The following RPS6KA3 variants were observed in gnomAD, a reference collection of about 807,000 sequenced individuals.
RPS6KA3 encodes the protein ribosomal protein S6 kinase alpha-3.
Under a neutral mutation model 67.2 loss-of-function variants are expected in RPS6KA3, and 4 were observed. The ratio of observed to expected loss-of-function variants is 0.06; its 90% CI spans 0.03 to 0.14. RPS6KA3 has a LOEUF of 0.14. Ranked by LOEUF, RPS6KA3 falls within the 10% of genes least tolerant of loss-of-function variation. The pLI is 1.00. For missense variants in RPS6KA3, 204 were observed against 559.0 expected, an observed-to-expected ratio of 0.36 and a Z score of 6.40; for synonymous variants, 182 against 183.7, an observed-to-expected ratio of 0.99 and a Z score of 0.07.
Position 20,167,845 on chromosome X carries a change from T to C in RPS6KA3, c.1444-98A>G, listed in dbSNP as rs1024973691. On this transcript the variant is annotated intron_variant, in intron 16 of 21. Transcript: ENST00000379565. ...AGGAAAAATTAAACTCACTTCATAT[T>C]CAAGACAAATTTTATTTATTTATTT... 1.1e-5 allele frequency: 6 copies of C among 566,944 alleles called. No individual in the cohort carries two copies. In the South Asian group the frequency reaches 1.6e-4, roughly 15 times the overall value. 46.7% of individuals were successfully genotyped at this position (566,944 alleles called of 1,213,427 possible).
At position 20,262,186 on chromosome X, in the gene RPS6KA3, C is replaced by A. The variant is rs969565104; in HGVS notation, c.69+4378G>T. Reference sequence around the variant, plus strand: ...ACCTTACCCATCATTCACAGCCTGGCAGATCACATGTCCCTGAGCATTGAA... The same window carrying A: ...ACCTTACCCATCATTCACAGCCTGGAAGATCACATGTCCCTGAGCATTGAA... On this transcript the variant is annotated intron_variant, in intron 1 of 21. Coordinates refer to ENST00000379565, the MANE Select transcript of RPS6KA3 (RefSeq NM_004586.3). Among the ~76,000 whole-genome samples the A allele has an allele frequency of 2.7e-5, 3 of 111,783 alleles. No individual in the cohort carries two copies. In the Admixed American group the frequency reaches 2.8e-4, roughly 11 times the overall value.
intron 1 of RPS6KA3, among the ~76,000 whole-genome samples, chrX:20,252,411 C>CA (rs544321037): frequency 1.9e-5 from 2 of 103,439 alleles, no homozygotes; most frequent in African/African-American, 7.0e-5. Context: ...CCTATTTAAT[C>CA]TTTTTTTTTT....
chrX:20,247,847 T>C (rs1187457931), intron 1 of RPS6KA3, among the ~76,000 whole-genome samples: 4 of 110,322 alleles, frequency 3.6e-5, no homozygotes, highest in African/African-American at 6.6e-5. Context: ...AAGGAAAAGT[T>C]ACCCTCAAAT....
At chrX:20,180,462 C>T (rs1484772901) in intron 10 of RPS6KA3, among the ~76,000 whole-genome samples, 1 of 112,329 alleles carries the variant, frequency 8.9e-6, no homozygotes, top group Admixed American at 9.4e-5. Context: ...AAGAGAACCA[C>T]CAGAACTGGT....
intron 2 of RPS6KA3, among the ~76,000 whole-genome samples, chrX:20,230,638 T>C (rs918672424): frequency 6.3e-5 from 7 of 111,347 alleles, no homozygotes; most frequent in African/African-American, 2.3e-4. Context: ...ATGCAGGGCC[T>C]GGTAGGTCAT....
chrX:20,252,693 A>T (rs112832392), intron 1 of RPS6KA3, among the ~76,000 whole-genome samples: 3,066 of 110,623 alleles, frequency 0.028, 105 homozygotes, highest in African/African-American at 0.09. Context: ...GGCTGACTCA[A>T]ACTTCTTTGT....
chrX:20,228,694 G>C (rs1254368709), intron 2 of RPS6KA3, among the ~76,000 whole-genome samples: 1 of 111,396 alleles, frequency 9.0e-6, no homozygotes, highest in Non-Finnish European at 1.9e-5. Flanking sequence ...GAGCTCTTCT[G>C]AGGCTCTGGG....
chrX:20,162,696 G>C (rs1222140939), intron 19 of RPS6KA3, among the ~76,000 whole-genome samples: 1 of 110,229 alleles, frequency 9.1e-6, no homozygotes, highest in Non-Finnish European at 1.9e-5. Flanking sequence ...AAGAAATCAG[G>C]CAGGTGTGGT....
intron 1 of RPS6KA3, among the ~76,000 whole-genome samples, chrX:20,239,074 G>C (rs2069486302): frequency 1.8e-5 from 2 of 111,138 alleles, no homozygotes; most frequent in Non-Finnish European, 3.8e-5. Context: ...TTCTAAAGCT[G>C]GTCAGTACCA....
intron 2 of RPS6KA3, among the ~76,000 whole-genome samples, chrX:20,225,238 T>G (rs1322621906): frequency 4.3e-5 from 4 of 92,453 alleles, no homozygotes; most frequent in Non-Finnish European, 6.4e-5. Flanking sequence ...AGGTTTTTTT[T>G]TTTTGTTTTT....
chrX:20,241,089 T>C (rs1194443970), intron 1 of RPS6KA3, among the ~76,000 whole-genome samples: 1 of 111,252 alleles, frequency 9.0e-6, no homozygotes, highest in East Asian at 2.8e-4. Flanking sequence ...CTCTAGCTAC[T>C]TAAGGTCTGT....
chrX:20,181,958 C>T (rs986462102), intron 10 of RPS6KA3, among the ~76,000 whole-genome samples: 2 of 111,875 alleles, frequency 1.8e-5, no homozygotes, highest in East Asian at 2.8e-4. Flanking sequence ...AGTGTTTGTT[C>T]GCTGAAAGGG....
In RPS6KA3 at chrX:20,150,522, T is replaced by C. The variant is rs1486668513; in HGVS notation, c.*4876A>G. On this transcript the variant is annotated 3_prime_UTR_variant, in exon 22 of 22. Transcript: ENST00000379565. ...AATACCTTGAAGCTTTTTTTAAAAT[T>C]AAAAACCAAAGCTTTAGATGGTAAA... The C allele has an allele frequency of 8.9e-6, 1 of 112,788 alleles. No individual in the cohort carries two copies. Among genetic ancestry groups the C allele is most frequent in the Non-Finnish European group, 1.9e-5 (1 of 53,236 alleles). The allele number at this position is 112,788 out of a possible 1,213,427, so 9.3% of individuals were successfully genotyped here. A position where few individuals can be genotyped will look rare whatever the true frequency, so the allele number is the denominator to read the frequency against.
chrX:20,244,083 C>T (rs2069622351), intron 1 of RPS6KA3, among the ~76,000 whole-genome samples: 1 of 111,380 alleles, frequency 9.0e-6, no homozygotes, highest in African/African-American at 3.3e-5. Context: ...TAAATAAGGA[C>T]AAAGCATTTG....
At chrX:20,237,034 T>G (rs1464070172) in intron 1 of RPS6KA3, among the ~76,000 whole-genome samples, 1 of 111,829 alleles carries the variant, frequency 8.9e-6, no homozygotes, top group African/African-American at 3.2e-5. Context: ...ATATGGAAAA[T>G]GAAGATTGAA....
intron 8 of RPS6KA3, 88 bp downstream of exon 8, chrX:20,188,409 T>A (rs1456132407): frequency 1.9e-6 from 1 of 528,962 alleles, no homozygotes; most frequent in African/African-American, 2.4e-5. Flanking sequence ...TACAGTGTAT[T>A]ACTCAATATT....
intron 15 of RPS6KA3, 61 bp from the exon 16 acceptor site, chrX:20,169,552 T>G: frequency 1.4e-6 from 1 of 694,052 alleles, no homozygotes; most frequent in East Asian, 3.2e-5. Flanking sequence ...CATTAATTGT[T>G]TATAGCTACA....
At chrX:20,214,848 T>C (rs2068808468) in intron 2 of RPS6KA3, among the ~76,000 whole-genome samples, 1 of 104,563 alleles carries the variant, frequency 9.6e-6, no homozygotes, top group African/African-American at 3.5e-5. Context: ...TTTCTTTTTT[T>C]TTTTTTTTGA....
chrX:20,181,071 A>G (rs1332307903), intron 10 of RPS6KA3, among the ~76,000 whole-genome samples: 3 of 112,081 alleles, frequency 2.7e-5, no homozygotes, highest in African/African-American at 9.7e-5. Context: ...TTTTATGTGG[A>G]TGTGTAAGAA....
Sources: gnomAD v4.1 joint callset for allele counts (sites outside exome capture counted in the v4.1 genomes callset) on GRCh38, gnomAD v4.1.1 for gene constraint, MANE v1.5 for transcripts, NCBI Gene and HGNC (gene_info 2026-07-23, HGNC 2026-07-21) for gene names.